The following SH3TC1 variants were observed in gnomAD, a reference collection of about 807,000 sequenced individuals.
SH3TC1 encodes the protein SH3 domain and tetratricopeptide repeats 1.
Under a neutral mutation model 117.3 loss-of-function variants are expected in SH3TC1, and 135 were observed. That is an observed-to-expected ratio of 1.15 (90% CI 1.00 to 1.33). The LOEUF is 1.33. Ranked by LOEUF, SH3TC1 falls within the 40% of genes most tolerant of loss-of-function variation. SH3TC1 has a pLI of 0.00. For synonymous variants in SH3TC1, 898 were observed against 816.9 expected, an observed-to-expected ratio of 1.10 and a Z score of -1.69; for missense variants, 2,092 against 1,794.3, an observed-to-expected ratio of 1.17 and a Z score of -3.00.
At chr4:8,230,782 GC>G (rs1408177940) in intron 12 of SH3TC1, among the ~76,000 whole-genome samples, 1 of 79,228 alleles carries the variant, frequency 1.3e-5, no homozygotes, top group Non-Finnish European at 2.5e-5. Flanking sequence ...GATATGCTGT[GC>G]TTTTTTTTTT....
intron 9 of SH3TC1, 23 bp from the exon 10 acceptor site, chr4:8,222,817 A>G: frequency 6.2e-7 from 1 of 1,606,270 alleles, no homozygotes; most frequent in Non-Finnish European, 8.5e-7. Context: ...GTTGTTTTGA[A>G]TAAAGCACTT....
In SH3TC1 at chr4:8,235,451, C is replaced by A. The variant is rs1331829250; in HGVS notation, c.3301C>A (p.Leu1101Met). ...LYIQVAQNVALYTGDPNLGLE... is the reference protein window; with the variant it reads ...LYIQVAQNVAMYTGDPNLGLE... ...CTTTCAGGTGGCACAGAACGTGGCC[C>A]TGTACACAGGCGACCCCAACCTGGG... Residue 1101 changes from leucine to methionine, a missense_variant, in exon 15 of 18, where the codon CTG becomes ATG. Physicochemically the swap from Leu to Met is conservative, Grantham distance 15. Transcript: ENST00000245105. 6.3e-7 allele frequency: 1 copy of A among 1,576,044 alleles called. No homozygotes were observed. The highest frequency in any genetic ancestry group is 1.2e-5 in the South Asian group (1 of 86,490).
At chr4:8,208,516 C>T (rs999161572) in intron 2 of SH3TC1, among the ~76,000 whole-genome samples, 31 of 151,978 alleles carry the variant, frequency 2.0e-4, no homozygotes, top group African/African-American at 6.0e-4. Flanking sequence ...TACAGGTGTG[C>T]GCCACCCTGC....
intron 1 of SH3TC1, among the ~76,000 whole-genome samples, chr4:8,187,397 A>G (rs982624095): frequency 2.6e-5 from 4 of 151,806 alleles, no homozygotes; most frequent in African/African-American, 9.7e-5. Flanking sequence ...GCATCCCACA[A>G]TAAAGGAGTG....
At chr4:8,203,195 G>A (rs1477125724) in intron 1 of SH3TC1, among the ~76,000 whole-genome samples, 1 of 152,234 alleles carries the variant, frequency 6.6e-6, no homozygotes, top group African/African-American at 2.4e-5. Context: ...GGAGGGAGGA[G>A]GTGCTCGTGG....
In SH3TC1 at chr4:8,216,182, G is replaced by T; in HGVS notation, c.553G>T (p.Glu185Ter). ...AFWLLLPSEE[E>*]ETAIQVHVDE... ...CTGGCTGCTCTTGCCCAGTGAGGAG[G>T]AGGAGACGGCCATCCAAGTCCATGT... is the stretch of plus-strand genomic sequence containing the variant. Residue 185 changes from glutamate to a stop codon, truncating the protein, a stop_gained, in exon 6 of 18, where the codon GAG (glutamate) becomes TAG (stop). Transcript: ENST00000245105. LOFTEE classifies it high-confidence loss of function. 2 of 1,613,912 alleles carry T rather than the reference G, an allele frequency of 1.2e-6. No individual in the cohort carries two copies. The highest frequency in any genetic ancestry group is 8.5e-7 in the Non-Finnish European group (1 of 1,180,036).
At chr4:8,237,371 CA>C (rs1186491967) in intron 16 of SH3TC1, 102 bp from the exon 17 acceptor site, 1 of 1,016,684 alleles carries the variant, frequency 9.8e-7, no homozygotes, top group African/African-American at 1.7e-5. Flanking sequence ...CAGAACTGCC[CA>C]GGTGACCGCA....
In SH3TC1 at chr4:8,227,294, A is replaced by G. The variant is rs1720559872; in HGVS notation, c.1600A>G (p.Ser534Gly). The G allele has an allele frequency of 2.5e-6, 4 of 1,609,002 alleles. No individual in the cohort carries two copies. Among genetic ancestry groups the G allele is most frequent in the Non-Finnish European group, 3.4e-6 (4 of 1,178,288 alleles). The change falls in exon 12 of 18, where the codon AGC (serine) becomes GGC (glycine). Residue 534 changes from serine (S) to glycine (G), a missense_variant. By Grantham distance (56) the Ser-to-Gly change is moderately conservative (BLOSUM62 0). Transcript: ENST00000245105. ...PWLSSVFRSF[S>G]DEEELTGRLA... ...GCTGAGCAGCGTGTTCCGCAGCTTC[A>G]GCGACGAGGAGGAGCTGACTGGGCG...
At position 8,214,412 on chromosome 4, in the gene SH3TC1, T is replaced by C. The variant is rs557683769; in HGVS notation, c.376-63T>C. ...AGATGTCTCTGTCATGTGGACGCTG[T>C]CCTCCTGACAGATGCCCCAGAGCTC... is the stretch of plus-strand genomic sequence containing the variant. On this transcript the variant is annotated intron_variant, in intron 4 of 17. Coordinates refer to ENST00000245105, the MANE Select transcript of SH3TC1 (RefSeq NM_018986.5). The C allele has an allele frequency of 1.9e-4, 275 of 1,478,644 alleles. 3 individuals are homozygous for C. The South Asian group carries it at 3.0e-3, about 16-fold the overall frequency. 91.6% of individuals were successfully genotyped at this position (1,478,644 alleles called of 1,614,324 possible).
In SH3TC1 at chr4:8,214,463, C is replaced by A; in HGVS notation, c.376-12C>A. On this transcript the variant is annotated splice_polypyrimidine_tract_variant and intron_variant, in intron 4 of 17. Coordinates refer to ENST00000245105, the MANE Select transcript of SH3TC1 (RefSeq NM_018986.5). ...CTGGGGACCTCTCGAATTCCTATTT[C>A]TTTCTCTTAAGGAATTATCAGCCAG... is the stretch of plus-strand genomic sequence containing the variant. The A allele has an allele frequency of 6.2e-7, 1 of 1,612,358 alleles. No homozygotes were observed. The highest frequency in any genetic ancestry group is 8.5e-7 in the Non-Finnish European group (1 of 1,178,688).
intron 2 of SH3TC1, among the ~76,000 whole-genome samples, chr4:8,208,316 A>G (rs1435036187): frequency 2.6e-5 from 4 of 151,908 alleles, no homozygotes; most frequent in African/African-American, 7.3e-5. Flanking sequence ...GCATCGGCCA[A>G]CGGAGTCAAG....
intron 12 of SH3TC1, chr4:8,229,018 C>T (rs769905091): frequency 1.7e-4 from 39 of 223,150 alleles, no homozygotes; most frequent in Non-Finnish European, 2.5e-4. Flanking sequence ...AGGCCCTGAA[C>T]GCCGGTGCTT....
rs757791497 is a variant in SH3TC1 at position 8,214,579 on chromosome 4, C to T, written c.480C>T (p.Leu160=). The T allele has an allele frequency of 6.2e-6, 10 of 1,613,318 alleles. No homozygotes were observed. The highest frequency in any genetic ancestry group is 5.0e-5 in the Admixed American group (3 of 59,998). ...GGAAGTTTTCCACCTACCATGCTCT[C>T]GGTAAAGAGGTGACCCTCCCAGAAT... ...EIWKFSTYHA[L]GFTHHCLANL... Residue 160 remains leucine, a splice_region_variant and synonymous_variant, in exon 5 of 18, where the codon CTC becomes CTT. Coordinates refer to ENST00000245105, the MANE Select transcript of SH3TC1 (RefSeq NM_018986.5).
Position 8,227,637 on chromosome 4 carries a change from TGCAGC to T in SH3TC1, c.1944_1948del (p.Gln649GlyfsTer65), listed in dbSNP as rs1289398854. On this transcript the variant is annotated frameshift_variant, in exon 12 of 18. Coordinates refer to ENST00000245105, the MANE Select transcript of SH3TC1 (RefSeq NM_018986.5). LOFTEE classifies it high-confidence loss of function. ...AGCACCGAGGCGGAGGGGGAGCTCC[TGCAGC>T]TGGCGCTGCGGCGGGCGGTGGGTGG... 2.6e-6 allele frequency: 4 copies of T among 1,526,848 alleles called. No homozygotes were observed. The South Asian group carries it at 5.3e-5, about 20-fold the overall frequency. 94.6% of individuals were successfully genotyped at this position (1,526,848 alleles called of 1,614,324 possible).
In SH3TC1 at chr4:8,228,536, G is replaced by T; in HGVS notation, c.2842G>T (p.Val948Leu). The T allele has an allele frequency of 6.2e-7, 1 of 1,610,976 alleles. No homozygotes were observed. Among genetic ancestry groups the T allele is most frequent in the Non-Finnish European group, 8.5e-7 (1 of 1,179,368 alleles). The change falls in exon 12 of 18, where the codon GTG becomes TTG. Residue 948 changes from valine (V) to leucine (L), a missense_variant. Transcript: ENST00000245105. ...GGAGTGTGGCCGGGACTTCACCCACGTGCTCCTGCAGCTGGGCCATCTCTG... is the reference window on the plus strand; with the variant it reads ...GGAGTGTGGCCGGGACTTCACCCACTTGCTCCTGCAGCTGGGCCATCTCTG... ...LGECGRDFTH[V>L]LLQLGHLCTR...
Position 8,227,074 on chromosome 4 carries a change from C to G in SH3TC1, c.1380C>G (p.Pro460=). The G allele has an allele frequency of 6.2e-7, 1 of 1,610,608 alleles. No homozygotes were observed. Among genetic ancestry groups the G allele is most frequent in the Non-Finnish European group, 8.5e-7 (1 of 1,178,456 alleles). Residue 460 remains proline (P), a synonymous_variant, in exon 12 of 18, where the codon CCC becomes CCG. Coordinates refer to ENST00000245105, the MANE Select transcript of SH3TC1 (RefSeq NM_018986.5). ...AATGCAAGACCTGCCCAGGCTGCCC[C>G]CAGGAGCCAGCGTCCTGGGGTCTCT... ...LEQCKTCPGC[P]QEPASWGLCA... is the part of the protein sequence containing the mutation.
chr4:8,209,745 C>G lies in SH3TC1; in HGVS notation c.173-3C>G. On this transcript the variant is annotated splice_polypyrimidine_tract_variant and splice_region_variant and intron_variant, in intron 2 of 17. Transcript: ENST00000245105. The surrounding 1 kb of genome is among the most constrained non-coding windows in gnomAD (Gnocchi z 5.9). ...CTAATCCTGGGAACCTGCTGTGTTG[C>G]AGACGAGGCTCCTCCTGCCCGCGTG... 1 of 1,613,772 alleles carries G rather than the reference C, an allele frequency of 6.2e-7. No homozygotes were observed. The highest frequency in any genetic ancestry group is 8.5e-7 in the Non-Finnish European group (1 of 1,179,984).
intron 14 of SH3TC1, among the ~76,000 whole-genome samples, chr4:8,234,867 C>T (rs952818488): frequency 7.2e-5 from 11 of 152,242 alleles, no homozygotes; most frequent in African/African-American, 2.7e-4. Context: ...GGCAAATCTC[C>T]TTACAAAATG....
At position 8,212,704 on chromosome 4, in the gene SH3TC1, T is replaced by C. The variant is rs1482880691; in HGVS notation, c.251T>C (p.Leu84Pro). The C allele has an allele frequency of 6.2e-7, 1 of 1,612,754 alleles. No individual in the cohort carries two copies. Among genetic ancestry groups the C allele is most frequent in the African/African-American group, 1.3e-5 (1 of 74,928 alleles). ...PCQMGVYPTD[L>P]TLQLLAVRRK... ...CAACCTCCGTCTGCCCCTCCAGACC[T>C]GACCCTGCAGCTGCTGGCTGTGCGG... Residue 84 changes from leucine to proline, a missense_variant, in exon 4 of 18, where the codon CTG becomes CCG. Physicochemically the swap from Leu to Pro is moderately conservative, Grantham distance 98. Coordinates refer to ENST00000245105, the MANE Select transcript of SH3TC1 (RefSeq NM_018986.5).
Sources: gnomAD v4.1 joint callset for allele counts (sites outside exome capture counted in the v4.1 genomes callset) on GRCh38, gnomAD v4.1.1 for gene constraint, Gnocchi (gnomAD v3.1) non-coding constraint, MANE v1.5 for transcripts, NCBI Gene and HGNC (gene_info 2026-07-23, HGNC 2026-07-21) for gene names.